TMEM123: variants seen among roughly 807,000 people sequenced by gnomAD.
The protein encoded by TMEM123 is porimin.
Under a neutral mutation model 19.7 loss-of-function variants are expected in TMEM123, and 16 were observed. The ratio of observed to expected loss-of-function variants is 0.81; its 90% CI spans 0.55 to 1.23. The LOEUF (loss-of-function observed/expected upper bound fraction) is 1.23. Among genes scored for constraint, TMEM123 ranks in the 50% most tolerant of loss-of-function variants. The pLI is 0.00. For synonymous variants in TMEM123, 118 were observed against 99.4 expected (o/e 1.19, Z -1.12); for missense variants, 313 against 257.8 (o/e 1.21, Z -1.47).
At chr11:102,400,254 T>TTAG (rs1359640684) in intron 4 of TMEM123, among the ~76,000 whole-genome samples, 5 of 152,344 alleles carry the variant, frequency 3.3e-5, no homozygotes, top group African/African-American at 1.2e-4. Flanking sequence ...ATAGACAGTG[T>TTAG]TAGCTCCCAT....
chr11:102,430,094 A>C (rs1565353134), intron 2 of TMEM123, among the ~76,000 whole-genome samples: 1 of 152,160 alleles, frequency 6.6e-6, no homozygotes, highest in Non-Finnish European at 1.5e-5. Context: ...GATGGGCTTC[A>C]TCTTTATGGA....
chr11:102,417,595 GA>G lies in TMEM123; in HGVS notation c.158-15390del, dbSNP rs1323547211. ...GCCATACTGCCCAAAGCAATTTACAGATTCAGTGCTATTGATATCAAACCAC... is the reference window on the plus strand; with the variant it reads ...GCCATACTGCCCAAAGCAATTTACAGTTCAGTGCTATTGATATCAAACCAC... On this transcript the variant is annotated intron_variant, in intron 2 of 4. Coordinates refer to ENST00000398136, the MANE Select transcript of TMEM123 (RefSeq NM_052932.3). Among the ~76,000 whole-genome samples, 12 of 152,116 alleles carry G rather than the reference GA, an allele frequency of 7.9e-5. No individual in the cohort carries two copies. In the South Asian group the frequency reaches 1.5e-3, roughly 18 times the overall value.
At chr11:102,407,463 T>C (rs1320098589) in intron 2 of TMEM123, among the ~76,000 whole-genome samples, 2 of 152,192 alleles carry the variant, frequency 1.3e-5, no homozygotes, top group Non-Finnish European at 2.9e-5. Flanking sequence ...GGTTGAATTG[T>C]TCCCCTCTCC....
chr11:102,411,497 C>G (rs1952004311), intron 2 of TMEM123, among the ~76,000 whole-genome samples: 1 of 152,122 alleles, frequency 6.6e-6, no homozygotes, highest in South Asian at 2.1e-4. Context: ...TATGGGAAAG[C>G]CTGATTTATA....
At position 102,448,825 on chromosome 11, in the gene TMEM123, A is replaced by C; in HGVS notation, c.144T>G (p.Ser48Arg). The change falls in exon 2 of 5, where the codon AGT becomes AGG. Residue 48 changes from serine to arginine, a missense_variant. Ser to Arg is a moderately radical substitution (Grantham distance 110, BLOSUM62 -1). Coordinates refer to ENST00000398136, the MANE Select transcript of TMEM123 (RefSeq NM_052932.3). Reference protein sequence around the residue: ...IENSGLPHNSSANSTETLQHV... With the variant: ...IENSGLPHNSRANSTETLQHV... Reference sequence around the variant, plus strand: ...TTTAAAACTCACCTGTTGAGTTAGCACTGGAGTTGTGTGGAAGCCCAGAAT... The same window carrying C: ...TTTAAAACTCACCTGTTGAGTTAGCCCTGGAGTTGTGTGGAAGCCCAGAAT... The C allele has an allele frequency of 6.2e-7, 1 of 1,613,724 alleles. No homozygotes were observed. Among genetic ancestry groups the C allele is most frequent in the African/African-American group, 1.3e-5 (1 of 75,028 alleles).
At chr11:102,416,720 C>T (rs1468207237) in intron 2 of TMEM123, among the ~76,000 whole-genome samples, 5 of 152,032 alleles carry the variant, frequency 3.3e-5, no homozygotes, top group African/African-American at 1.2e-4. Flanking sequence ...GGCCAATATC[C>T]CTGATAAACA....
intron 1 of TMEM123, 183 bp downstream of exon 1, chr11:102,452,341 G>A (rs1040910757): frequency 2.1e-5 from 9 of 438,150 alleles, no homozygotes; most frequent in African/African-American, 1.2e-4. Context: ...GCGGCCCCGG[G>A]GCCAGCGGGT....
At chr11:102,426,829 A>C in intron 2 of TMEM123, among the ~76,000 whole-genome samples, 1 of 134,968 alleles carries the variant, frequency 7.4e-6, no homozygotes, top group South Asian at 2.4e-4. Context: ...CAGATTGAAT[A>C]AACTCATGGC....
At position 102,397,041 on chromosome 11, in the gene TMEM123, G is replaced by C. The variant is rs900557063; in HGVS notation, c.*1826C>G. On this transcript the variant is annotated 3_prime_UTR_variant, in exon 5 of 5. Transcript: ENST00000398136. Reference sequence around the variant, plus strand: ...AAATGAAGCAATGGTTGCACAACCAGTCAGGGCCAAGTTAGTAACATACAA... The same window carrying C: ...AAATGAAGCAATGGTTGCACAACCACTCAGGGCCAAGTTAGTAACATACAA... The C allele has an allele frequency of 1.3e-5, 2 of 152,152 alleles. No homozygotes were observed. The highest frequency in any genetic ancestry group is 4.8e-5 in the African/African-American group (2 of 41,426). The allele number at this position is 152,152 out of a possible 1,614,324, so 9.4% of individuals were successfully genotyped here.
intron 2 of TMEM123, among the ~76,000 whole-genome samples, chr11:102,415,301 T>C (rs1207599160): frequency 1.3e-5 from 2 of 152,102 alleles, no homozygotes; most frequent in African/African-American, 4.8e-5. Context: ...ACAAAGATAT[T>C]TGGGACCTGA....
intron 2 of TMEM123, among the ~76,000 whole-genome samples, chr11:102,440,040 G>A (rs570745626): frequency 1.3e-5 from 2 of 152,306 alleles, no homozygotes; most frequent in Non-Finnish European, 2.9e-5. Flanking sequence ...CAAGAAATAT[G>A]GGACTATGTG....
chr11:102,420,332 C>CTG (rs1952075898), intron 2 of TMEM123, among the ~76,000 whole-genome samples: 1 of 152,168 alleles, frequency 6.6e-6, no homozygotes, highest in African/African-American at 2.4e-5. Flanking sequence ...ATGTCTTTTA[C>CTG]TGTCTAGGCA....
chr11:102,424,614 A>G (rs1952111264), intron 2 of TMEM123, among the ~76,000 whole-genome samples: 1 of 152,074 alleles, frequency 6.6e-6, no homozygotes. Flanking sequence ...GCTTGAACCC[A>G]GGAGGCGGAG....
At chr11:102,448,956 G>T (rs947058782) in intron 1 of TMEM123, 88 bp from the exon 2 acceptor site, 2 of 1,304,702 alleles carry the variant, frequency 1.5e-6, no homozygotes, top group Non-Finnish European at 2.2e-6. Context: ...CGGGAGTAGG[G>T]GTAGTGGTGT....
At chr11:102,448,896 T>C (rs750155774) in intron 1 of TMEM123, 28 bp from the exon 2 acceptor site, 12 of 1,609,492 alleles carry the variant, frequency 7.5e-6, no homozygotes, top group Non-Finnish European at 1.0e-5. Flanking sequence ...TATCCTGTTA[T>C]GAAAGAACAT....
chr11:102,405,646 C>A (rs1164912912), intron 2 of TMEM123, among the ~76,000 whole-genome samples: 1 of 152,086 alleles, frequency 6.6e-6, no homozygotes, highest in East Asian at 1.9e-4. Context: ...CAGAATAAAA[C>A]AATGAACACA....
intron 2 of TMEM123, among the ~76,000 whole-genome samples, chr11:102,406,764 G>A (rs191047809): frequency 2.0e-5 from 3 of 151,902 alleles, no homozygotes; most frequent in South Asian, 2.1e-4. Flanking sequence ...CCAGCTACTC[G>A]GGAGGCTGAG....
Position 102,428,987 on chromosome 11 carries a change from C to G in TMEM123, c.157+19825G>C, listed in dbSNP as rs141977354. ...TCAGGCAAACACCCTTCGCTCACCC[C>G]CTGGGGTCTGGAGGGACTACGAGTG... On this transcript the variant is annotated intron_variant, in intron 2 of 4. Transcript: ENST00000398136. 2.6e-3 allele frequency among the ~76,000 whole-genome samples: 390 copies of G among 152,290 alleles called. 2 individuals are homozygous for G. The highest frequency in any genetic ancestry group is 0.014 in the Middle Eastern group (4 of 294).
In TMEM123 at chr11:102,452,504, C is replaced by A; in HGVS notation, c.100+20G>T. 1 of 1,497,412 alleles carries A rather than the reference C, an allele frequency of 6.7e-7. No individual in the cohort carries two copies. The highest frequency in any genetic ancestry group is 8.9e-7 in the Non-Finnish European group (1 of 1,121,020). The allele number at this position is 1,497,412 out of a possible 1,614,324, so 92.8% of individuals were successfully genotyped here. On this transcript the variant is annotated intron_variant, in intron 1 of 4. Coordinates refer to ENST00000398136, the MANE Select transcript of TMEM123 (RefSeq NM_052932.3). ...CGCTGCCTCCCACGAACGGGGCTGA[C>A]GACCCCCGCAGCCACTTACCCGCCA...
Sources: gnomAD v4.1 joint callset for allele counts (sites outside exome capture counted in the v4.1 genomes callset) on GRCh38, gnomAD v4.1.1 for gene constraint, MANE v1.5 for transcripts, NCBI Gene and HGNC (gene_info 2026-07-23, HGNC 2026-07-21) for gene names.